Variants in RYR1 observed in about 807,000 individuals in gnomAD.
RYR1 encodes the protein central core disease of muscle.
Under a neutral mutation model 583.5 loss-of-function variants are expected in RYR1, and 342 were observed. The ratio of observed to expected loss-of-function variants is 0.59; its 90% CI spans 0.54 to 0.64. RYR1 has a LOEUF of 0.64. RYR1 is among the 30% of genes least tolerant of loss of function. The probability of loss-of-function intolerance (pLI) is 0.00; values close to 1 mark genes in which losing one functional copy is unlikely to be tolerated. For synonymous variants in RYR1, 2,791 were observed against 2,822.5 expected, an observed-to-expected ratio of 0.99 and a Z score of 0.35; for missense variants, 6,032 against 6,917.2, an observed-to-expected ratio of 0.87 and a Z score of 4.54.
At position 38,510,640 on chromosome 19, in the gene RYR1, C is replaced by G. The variant is rs972867755; in HGVS notation, c.9001-20C>G. 6.2e-7 allele frequency: 1 copy of G among 1,613,946 alleles called. No homozygotes were observed. The highest frequency in any genetic ancestry group is 2.2e-5 in the East Asian group (1 of 44,868). On this transcript the variant is annotated intron_variant, in intron 59 of 105. Coordinates refer to ENST00000359596, the MANE Select transcript of RYR1 (RefSeq NM_000540.3). ...CCCCACCCCTCATTGGACCCTTTAT[C>G]TCCCCCAACCCGTCTCCAGATCCTG... is the stretch of plus-strand genomic sequence containing the variant.
At chr19:38,501,408 G>A (rs189571016) in intron 47 of RYR1, among the ~76,000 whole-genome samples, 3 of 152,358 alleles carry the variant, frequency 2.0e-5, no homozygotes, top group African/African-American at 7.2e-5. Context: ...TGAGGCAGGA[G>A]AATCACTTGA....
At chr19:38,462,390 C>A (rs999699585) in intron 20 of RYR1, among the ~76,000 whole-genome samples, 9 of 152,114 alleles carry the variant, frequency 5.9e-5, no homozygotes, top group East Asian at 5.8e-4. Context: ...GACTTCATCC[C>A]CCTGTCCCCA....
Position 38,580,460 on chromosome 19 carries a change from G to A in RYR1, c.14602G>A (p.Glu4868Lys), listed in dbSNP as rs187569997. The A allele has an allele frequency of 5.3e-5, 85 of 1,614,140 alleles. No individual in the cohort carries two copies. Among genetic ancestry groups the A allele is most frequent in the East Asian group, 4.5e-4 (20 of 44,876 alleles). ...CTTCCGCAAGTTCTACAACAAGAGC[G>A]AGGATGAGGATGAACCTGACATGAA... ...NFFRKFYNKS[E>K]DEDEPDMKCD... Residue 4868 changes from glutamate to lysine, a missense_variant, in exon 101 of 106, where the codon GAG becomes AAG. Physicochemically the swap from Glu to Lys is moderately conservative, Grantham distance 56. This residue lies in a region of RYR1 where 189 missense variants were observed against 350.3 expected (regional missense o/e 0.54). Transcript: ENST00000359596.
chr19:38,459,255 C>T lies in RYR1; in HGVS notation c.2277C>T (p.Asn759=), dbSNP rs377182661. ...LSVPSISFRI[N]GCPVQGVFES... is the part of the protein sequence containing the mutation. ...TGCCGTCCATCTCCTTCCGCATCAA[C>T]GGCTGCCCCGTGCAGGGTGTCTTTG... The change falls in exon 19 of 106, where the codon AAC becomes AAT. Residue 759 remains asparagine, a synonymous_variant. Transcript: ENST00000359596. 2.1e-5 allele frequency: 34 copies of T among 1,614,020 alleles called. No homozygotes were observed. Among genetic ancestry groups the T allele is most frequent in the African/African-American group, 1.3e-4 (10 of 74,918 alleles).
chr19:38,482,686 G>A (rs1273928119), intron 31 of RYR1, among the ~76,000 whole-genome samples: 1 of 152,090 alleles, frequency 6.6e-6, no homozygotes, highest in Non-Finnish European at 1.5e-5. Flanking sequence ...TTAGGCTCAG[G>A]TGACCCTCCC....
At chr19:38,521,668 G>T (rs994206907) in intron 67 of RYR1, among the ~76,000 whole-genome samples, 4 of 149,230 alleles carry the variant, frequency 2.7e-5, no homozygotes, top group African/African-American at 9.9e-5. Context: ...CTGCACTCCA[G>T]CCTGGGCGAC....
At chr19:38,507,585 G>A (rs1298493353) in intron 57 of RYR1, 127 bp from the exon 58 acceptor site, 6 of 727,620 alleles carry the variant, frequency 8.2e-6, no homozygotes, top group African/African-American at 1.7e-5. Context: ...TCAGAGTGGA[G>A]CCCCAACCTG....
chr19:38,463,078 A>G (rs1967852306), intron 20 of RYR1, among the ~76,000 whole-genome samples: 1 of 141,522 alleles, frequency 7.1e-6, no homozygotes. Context: ...TTGTATTTTT[A>G]GAAGAGAAGG....
rs113248409 is a variant in RYR1 at position 38,457,877 on chromosome 19, C to G, written c.1926-174C>G. Among the ~76,000 whole-genome samples the G allele has an allele frequency of 0.026, 3,924 of 152,108 alleles. 150 individuals carry two copies. Among genetic ancestry groups the G allele is most frequent in the African/African-American group, 0.086 (3,554 of 41,464 alleles). ...CTCCCTCTCCCTCTCTCTCTGTTTT[C>G]TCTTTTTATCTTTGCCTGTTTCTGT... On this transcript the variant is annotated intron_variant, in intron 17 of 105. Coordinates refer to ENST00000359596, the MANE Select transcript of RYR1 (RefSeq NM_000540.3).
At chr19:38,443,165 G>A (rs559074894) in intron 3 of RYR1, among the ~76,000 whole-genome samples, 9 of 152,318 alleles carry the variant, frequency 5.9e-5, no homozygotes, top group Non-Finnish European at 1.0e-4. Flanking sequence ...GGGCTGCAGC[G>A]CAGCATGATG....
chr19:38,513,872 T>C (rs1405084192), intron 63 of RYR1, among the ~76,000 whole-genome samples: 1 of 152,208 alleles, frequency 6.6e-6, no homozygotes, highest in Non-Finnish European at 1.5e-5. Context: ...CCCTTAATGT[T>C]CATCAGCTGG....
rs745619519 is a variant in RYR1, at chr19:38,504,762, G to A, written c.8082G>A (p.Glu2694=). The A allele has an allele frequency of 1.8e-5, 29 of 1,614,050 alleles. No homozygotes were observed. The Admixed American group carries it at 4.7e-4, about 26-fold the overall frequency. ...DSLAHKKYDP[E]LYRMAMPCLC... ...GGTTTTCCCAGAAATACGACCCGGA[G>A]CTGTACCGCATGGCCATGCCTTGTC... The change falls in exon 51 of 106, where the codon GAG becomes GAA. Residue 2694 remains glutamate (E), a synonymous_variant. Transcript: ENST00000359596.
intron 92 of RYR1, 145 bp downstream of exon 92, chr19:38,567,132 GC>G: frequency 7.5e-7 from 1 of 1,326,914 alleles, no homozygotes; most frequent in Non-Finnish European, 1.0e-6. Context: ...CGGAGGAGGG[GC>G]TCTGAGTAAA....
chr19:38,565,324 C>T lies in RYR1; in HGVS notation c.12990C>T (p.Thr4330=), dbSNP rs184450380. The T allele has an allele frequency of 1.7e-3, 1,980 of 1,175,862 alleles. 33 individuals are homozygous for T. The African/African-American group carries it at 0.029, about 17-fold the overall frequency. The allele number at this position is 1,175,862 out of a possible 1,614,324, so 72.8% of individuals were successfully genotyped here. ...GGCTTACGGCCCGCGAGGCGGCCACCGCAGTGGCGGCGCTGCTCTGGGCAG... is the reference window on the plus strand; with the variant it reads ...GGCTTACGGCCCGCGAGGCGGCCACTGCAGTGGCGGCGCTGCTCTGGGCAG... ...LRRLTAREAA[T]AVAALLWAAV... The change falls in exon 91 of 106, where the codon ACC becomes ACT. Residue 4330 remains threonine, a synonymous_variant. Coordinates refer to ENST00000359596, the MANE Select transcript of RYR1 (RefSeq NM_000540.3). This position sits in a 1 kb window ranked among gnomAD's most constrained non-coding sequence, Gnocchi z 4.7.
chr19:38,485,977 G>A lies in RYR1; in HGVS notation c.5322G>A (p.Pro1774=), dbSNP rs572516017. 2.5e-6 allele frequency: 4 copies of A among 1,613,540 alleles called. No individual in the cohort carries two copies. Among genetic ancestry groups the A allele is most frequent in the East Asian group, 2.2e-5 (1 of 44,876 alleles). ...GVGVTTSLRP[P]HHFSPPCFVA... is the part of the protein sequence containing the mutation. ...GAGTCACCACTTCGCTGAGGCCCCC[G>A]CATCATTTCTCGCCCCCCTGTTTCG... Residue 1774 remains proline, a synonymous_variant, in exon 34 of 106, where the codon CCG becomes CCA. Transcript: ENST00000359596.
intron 67 of RYR1, among the ~76,000 whole-genome samples, chr19:38,520,734 C>T (rs1419438444): frequency 1.4e-5 from 2 of 139,690 alleles, no homozygotes; most frequent in African/African-American, 2.7e-5. Flanking sequence ...TATAGATTCA[C>T]CTCTTTTGTC....
chr19:38,526,680 C>T (rs1367679218), intron 71 of RYR1, among the ~76,000 whole-genome samples: 1 of 151,888 alleles, frequency 6.6e-6, no homozygotes, highest in Non-Finnish European at 1.5e-5. Flanking sequence ...CCACTCTGAC[C>T]CCCCAGTCAT....
Position 38,459,215 on chromosome 19 carries a change from G to C in RYR1, c.2237G>C (p.Cys746Ser), listed in dbSNP as rs763522041. The change falls in exon 19 of 106, where the codon TGC (cysteine) becomes TCC (serine). Residue 746 changes from cysteine (C) to serine (S), a missense_variant. By Grantham distance (112) the Cys-to-Ser change is moderately radical. Around this residue, in one of 11 missense-constraint regions of RYR1, gnomAD observed 2,627 missense variants for 2,961.3 expected, o/e 0.89. Coordinates refer to ENST00000359596, the MANE Select transcript of RYR1 (RefSeq NM_000540.3). Reference sequence around the variant, plus strand: ...GCCCCTGAAGACGTGATCAGCTGCTGCCTGGACCTCAGCGTGCCGTCCATC... The same window carrying C: ...GCCCCTGAAGACGTGATCAGCTGCTCCCTGGACCTCAGCGTGCCGTCCATC... ...LLAPEDVISC[C>S]LDLSVPSISF... is the part of the protein sequence containing the mutation. 6.2e-7 allele frequency: 1 copy of C among 1,614,182 alleles called. No homozygotes were observed. Among genetic ancestry groups the C allele is most frequent in the Non-Finnish European group, 8.5e-7 (1 of 1,180,032 alleles).
chr19:38,527,147 A>G (rs1971501657), intron 72 of RYR1, 95 bp downstream of exon 72: 1 of 1,389,582 alleles, frequency 7.2e-7, no homozygotes. Flanking sequence ...CAGGCATTGA[A>G]GAAAGACCTC....
Sources: allele counts gnomAD v4.1 joint callset (sites outside exome capture counted in the v4.1 genomes callset), GRCh38; gene constraint gnomAD v4.1.1; regional missense constraint gnomAD v4.1.1; non-coding constraint Gnocchi (gnomAD v3.1); transcripts MANE v1.5; gene names NCBI Gene and HGNC (gene_info 2026-07-23, HGNC 2026-07-21).